The following OR3A2 variants were observed in gnomAD, a reference collection of about 807,000 sequenced individuals.
OR3A2 encodes the protein olfactory receptor family 3 subfamily A member 2.
For missense variants in OR3A2, 318 were observed against 392.8 expected, an observed-to-expected ratio of 0.81 and a Z score of 1.61; for synonymous variants, 126 against 159.3, an observed-to-expected ratio of 0.79 and a Z score of 1.57.
intron 3 of OR3A2, among the ~76,000 whole-genome samples, chr17:3,306,400 C>T (rs1185230554): frequency 6.6e-6 from 1 of 152,072 alleles, no homozygotes; most frequent in Non-Finnish European, 1.5e-5. Context: ...ACTCCAGCCT[C>T]CCAAACTGTT....
chr17:3,321,770 G>C (rs2049124487), intron 3 of OR3A2, among the ~76,000 whole-genome samples: 1 of 152,062 alleles, frequency 6.6e-6, no homozygotes, highest in African/African-American at 2.4e-5. Flanking sequence ...TGTGCTGCTG[G>C]ATTTGGTTTG....
chr17:3,366,397 AT>A (rs1392742277), intron 2 of OR3A2, among the ~76,000 whole-genome samples: 3 of 152,298 alleles, frequency 2.0e-5, no homozygotes, highest in Admixed American at 6.5e-5. Context: ...TTTAGTTGCA[AT>A]TTTAAAAAGA....
chr17:3,341,921 C>T (rs1182626584), intron 2 of OR3A2, among the ~76,000 whole-genome samples: 1 of 152,170 alleles, frequency 6.6e-6, no homozygotes, highest in Non-Finnish European at 1.5e-5. Context: ...TAGATTTTGT[C>T]TTTTCACATA....
chr17:3,286,902 G>C (rs2150619209), upstream of OR3A2, among the ~76,000 whole-genome samples: 1 of 152,290 alleles, frequency 6.6e-6, no homozygotes, highest in East Asian at 1.9e-4. Flanking sequence ...TTCTTTTGCT[G>C]TGCAGAAGCT....
At chr17:3,300,842 T>G (rs569984635) in intron 3 of OR3A2, among the ~76,000 whole-genome samples, 2 of 69,898 alleles carry the variant, frequency 2.9e-5, no homozygotes, top group Non-Finnish European at 5.7e-5. Flanking sequence ...CCCTCCCCCC[T>G]CCCCCCATCC....
At chr17:3,299,610 T>G (rs1302838660) in intron 3 of OR3A2, among the ~76,000 whole-genome samples, 1 of 152,320 alleles carries the variant, frequency 6.6e-6, no homozygotes, top group East Asian at 1.9e-4. Context: ...TCCTACTCCC[T>G]GTTCAAACAG....
intron 2 of OR3A2, among the ~76,000 whole-genome samples, chr17:3,359,261 A>G (rs1471899686): frequency 6.6e-6 from 1 of 151,670 alleles, no homozygotes; most frequent in African/African-American, 2.4e-5. Context: ...TGGGGCATTT[A>G]GCCCATTCAC....
chr17:3,368,006 T>A (rs2049579150), intron 2 of OR3A2, among the ~76,000 whole-genome samples: 1 of 152,204 alleles, frequency 6.6e-6, no homozygotes, highest in Non-Finnish European at 1.5e-5. Flanking sequence ...GTTGAGCATT[T>A]TTTCCTATGT....
chr17:3,347,333 C>T (rs993528727), intron 2 of OR3A2, among the ~76,000 whole-genome samples: 3 of 151,970 alleles, frequency 2.0e-5, no homozygotes, highest in South Asian at 4.1e-4. Context: ...CATTCTGGTG[C>T]GCTGCACCCA....
chr17:3,289,407 T>C (rs1289931780), intron 3 of OR3A2, among the ~76,000 whole-genome samples: 3 of 152,190 alleles, frequency 2.0e-5, no homozygotes, highest in Non-Finnish European at 4.4e-5. Flanking sequence ...CTTTGGCCAT[T>C]GTCTATGATG....
At chr17:3,342,016 A>T (rs138163434) in intron 2 of OR3A2, among the ~76,000 whole-genome samples, 2 of 151,922 alleles carry the variant, frequency 1.3e-5, no homozygotes, top group Admixed American at 1.3e-4. Flanking sequence ...CATTAATTTG[A>T]TCTTCAATCA....
chr17:3,383,441 G>C (rs2049754957), intron 2 of OR3A2, among the ~76,000 whole-genome samples: 1 of 152,192 alleles, frequency 6.6e-6, no homozygotes, highest in African/African-American at 2.4e-5. Context: ...CCGTGTAAGA[G>C]AGGCCTCAAT....
intron 1 of OR3A2, chr17:3,279,149 A>T (rs984178590): frequency 1.5e-6 from 1 of 680,058 alleles, no homozygotes; most frequent in Admixed American, 3.1e-5. Context: ...AAAAGGTCAG[A>T]ATACCTGGAA....
At chr17:3,346,752 T>C (rs941845358) in intron 2 of OR3A2, among the ~76,000 whole-genome samples, 7 of 152,136 alleles carry the variant, frequency 4.6e-5, no homozygotes, top group African/African-American at 1.7e-4. Flanking sequence ...GGTCAATTGT[T>C]TTGATTTTTA....
intron 2 of OR3A2, among the ~76,000 whole-genome samples, chr17:3,379,168 T>C (rs2049711786): frequency 6.6e-6 from 1 of 152,098 alleles, no homozygotes; most frequent in South Asian, 2.1e-4. Context: ...GACGTGACTA[T>C]CAGTTCCACA....
At chr17:3,361,488 G>T (rs940428559) in intron 2 of OR3A2, among the ~76,000 whole-genome samples, 6 of 151,646 alleles carry the variant, frequency 4.0e-5, no homozygotes, top group African/African-American at 1.5e-4. Context: ...TCCCTGTCTT[G>T]TGCCAGTTTT....
chr17:3,322,350 G>T (rs1165817590), intron 3 of OR3A2, among the ~76,000 whole-genome samples: 2 of 151,980 alleles, frequency 1.3e-5, no homozygotes, highest in Non-Finnish European at 2.9e-5. Flanking sequence ...TTTTTGAAGG[G>T]TTTTTTGTGT....
intron 2 of OR3A2, among the ~76,000 whole-genome samples, chr17:3,381,979 T>C (rs2049740331): frequency 6.6e-6 from 1 of 151,906 alleles, no homozygotes; most frequent in Admixed American, 6.6e-5. Flanking sequence ...AGAAAAGAAA[T>C]CCTCACTTTA....
chr17:3,329,031 T>C (rs1196398525), intron 3 of OR3A2, among the ~76,000 whole-genome samples: 3 of 150,858 alleles, frequency 2.0e-5, no homozygotes, highest in African/African-American at 4.9e-5. Flanking sequence ...TTGCGTATAT[T>C]GAACCAGCCT....
Sources: allele counts gnomAD v4.1 joint callset (sites outside exome capture counted in the v4.1 genomes callset), GRCh38; gene constraint gnomAD v4.1.1; transcripts MANE v1.5; gene names NCBI Gene and HGNC (gene_info 2026-07-23, HGNC 2026-07-21).